The following EMB variants were observed in gnomAD, a reference collection of about 807,000 sequenced individuals.
EMB encodes the protein embigin.
In EMB, 31 loss-of-function variants were observed where a neutral mutation model predicts 41.4. That is an observed-to-expected ratio of 0.75 (90% CI 0.56 to 1.01). The LOEUF (loss-of-function observed/expected upper bound fraction) is 1.01, where lower values mean the gene tolerates loss of function less well. Ranked by LOEUF, EMB falls within the 50% of genes least tolerant of loss-of-function variation. The pLI, the probability that EMB is intolerant of heterozygous loss-of-function variation, is 0.00. For missense variants in EMB, 379 were observed against 388.3 expected, an observed-to-expected ratio of 0.98 and a Z score of 0.20; for synonymous variants, 137 against 140.4, an observed-to-expected ratio of 0.98 and a Z score of 0.17.
Position 50,403,572 on chromosome 5 carries a change from T to C in EMB, c.601-118A>G, listed in dbSNP as rs1401504103. ...CAATATTGCTTACTAGAGAAAGGCA[T>C]ATTAAAGTTTGTGAGAGGTTATCTA... On this transcript the variant is annotated intron_variant, in intron 5 of 8. Transcript: ENST00000303221. 1.2e-5 allele frequency: 14 copies of C among 1,153,944 alleles called. No homozygotes were observed. The East Asian group carries it at 1.7e-4, about 14-fold the overall frequency. The allele number at this position is 1,153,944 out of a possible 1,614,324, so 71.5% of individuals were successfully genotyped here.
At chr5:50,412,240 CCACA>C (rs373420424) in intron 2 of EMB, among the ~76,000 whole-genome samples, 1 of 134,950 alleles carries the variant, frequency 7.4e-6, no homozygotes, top group Non-Finnish European at 1.6e-5. Flanking sequence ...CACACACACA[CCACA>C]CACACACACA....
rs1258935782 is a variant in EMB at position 50,408,452 on chromosome 5, G to C, written c.472+2425C>G. Among the ~76,000 whole-genome samples the C allele has an allele frequency of 2.0e-5, 3 of 151,854 alleles. No individual in the cohort carries two copies. In the East Asian group the frequency reaches 5.8e-4, roughly 29 times the overall value. Reference sequence around the variant, plus strand: ...AAGAGCGAAACACATAAAGTCAGCAGGTTTTTGTGCATTGAACTAATCAGT... The same window carrying C: ...AAGAGCGAAACACATAAAGTCAGCACGTTTTTGTGCATTGAACTAATCAGT... On this transcript the variant is annotated intron_variant, in intron 4 of 8. Coordinates refer to ENST00000303221, the MANE Select transcript of EMB (RefSeq NM_198449.3).
At chr5:50,420,767 A>T (rs1218504436) in intron 2 of EMB, among the ~76,000 whole-genome samples, 1 of 152,218 alleles carries the variant, frequency 6.6e-6, no homozygotes. Flanking sequence ...GGAATACAGT[A>T]CTTAAAACAT....
chr5:50,440,684 C>T (rs1745890437), intron 1 of EMB, among the ~76,000 whole-genome samples: 1 of 152,030 alleles, frequency 6.6e-6, no homozygotes, highest in South Asian at 2.1e-4. Flanking sequence ...GCCATATTTG[C>T]CCAAGCCAAG....
chr5:50,439,485 T>C (rs1198944986), intron 1 of EMB, among the ~76,000 whole-genome samples: 1 of 117,382 alleles, frequency 8.5e-6, no homozygotes, highest in Non-Finnish European at 1.7e-5. Context: ...ACCGCACTTT[T>C]AATTTTTTTT....
rs1579747847 is a variant in EMB at position 50,438,891 on chromosome 5, T to C, written c.112+2149A>G. Among the ~76,000 whole-genome samples the C allele has an allele frequency of 3.3e-5, 5 of 151,886 alleles. 1 individual carries two copies. In the South Asian group the frequency reaches 1.0e-3, roughly 31 times the overall value. On this transcript the variant is annotated intron_variant, in intron 1 of 8. Transcript: ENST00000303221. ...TACACCTTCATTTATTCCACTTTCATTTGTTTCCTACCTTTTTTTTTTTTT... is the reference window on the plus strand; with the variant it reads ...TACACCTTCATTTATTCCACTTTCACTTGTTTCCTACCTTTTTTTTTTTTT...
chr5:50,422,900 T>A (rs1409638900), intron 2 of EMB, among the ~76,000 whole-genome samples: 1 of 152,148 alleles, frequency 6.6e-6, no homozygotes, highest in Non-Finnish European at 1.5e-5. Context: ...TATGTTAAAA[T>A]AAAGATGTGC....
intron 6 of EMB, among the ~76,000 whole-genome samples, chr5:50,402,918 A>C (rs987980565): frequency 7.4e-5 from 11 of 148,956 alleles, no homozygotes; most frequent in Non-Finnish European, 1.6e-4. Flanking sequence ...TGGTGGGGGA[A>C]GAGAAAGAAA....
rs1046052534 is a variant in EMB at position 50,405,642 on chromosome 5, G to T, written c.600+83C>A. The T allele has an allele frequency of 1.1e-5, 17 of 1,478,742 alleles. No homozygotes were observed. In the Admixed American group the frequency reaches 3.7e-4, roughly 32 times the overall value. The allele number at this position is 1,478,742 out of a possible 1,614,324, so 91.6% of individuals were successfully genotyped here. A position where few individuals can be genotyped will look rare whatever the true frequency, so the allele number is the denominator to read the frequency against. The stretch of plus-strand genomic sequence containing the variant: ...CAAAAGTATAAATCATCTTAGGAAT[G>T]CTGAGTCTGTTACAATCTTGTTATT... On this transcript the variant is annotated intron_variant, in intron 5 of 8. Coordinates refer to ENST00000303221, the MANE Select transcript of EMB (RefSeq NM_198449.3).
chr5:50,407,193 T>A (rs954925897), intron 4 of EMB, among the ~76,000 whole-genome samples: 3 of 151,978 alleles, frequency 2.0e-5, no homozygotes, highest in African/African-American at 7.2e-5. Context: ...AGCATGAAAA[T>A]ATGTGTTGAA....
intron 1 of EMB, among the ~76,000 whole-genome samples, chr5:50,438,871 C>A (rs1745848988): frequency 6.6e-6 from 1 of 151,212 alleles, no homozygotes; most frequent in South Asian, 2.1e-4. Flanking sequence ...TGATTTACAC[C>A]TTCATTTATT....
intron 1 of EMB, among the ~76,000 whole-genome samples, chr5:50,437,979 A>G (rs1745833604): frequency 6.6e-6 from 1 of 152,202 alleles, no homozygotes; most frequent in Non-Finnish European, 1.5e-5. Context: ...AAAAACCTTA[A>G]AACAGTCCCT....
chr5:50,436,405 G>T (rs1464371732), intron 1 of EMB, among the ~76,000 whole-genome samples: 1 of 151,982 alleles, frequency 6.6e-6, no homozygotes, highest in Non-Finnish European at 1.5e-5. Flanking sequence ...ATCTTTCCTA[G>T]ATTTAATTAT....
In EMB at chr5:50,398,647, T is replaced by A. The variant is rs1466702072; in HGVS notation, c.*626A>T. 6.6e-6 allele frequency: 1 copy of A among 152,088 alleles called. No homozygotes were observed. The highest frequency in any genetic ancestry group is 1.5e-5 in the Non-Finnish European group (1 of 67,978). The allele number at this position is 152,088 out of a possible 1,614,324, so 9.4% of individuals were successfully genotyped here. On this transcript the variant is annotated 3_prime_UTR_variant, in exon 9 of 9. Coordinates refer to ENST00000303221, the MANE Select transcript of EMB (RefSeq NM_198449.3). ...AAGACTGGAAAATTTGCTTTTGTAG[T>A]GCAGAGCTTTAGAGCAAGCACAGTT...
intron 2 of EMB, among the ~76,000 whole-genome samples, chr5:50,425,887 T>C (rs545410601): frequency 6.6e-6 from 1 of 152,240 alleles, no homozygotes; most frequent in Admixed American, 6.5e-5. Flanking sequence ...TTTTGCTATG[T>C]TGGCCAGGCT....
At position 50,407,081 on chromosome 5, in the gene EMB, A is replaced by T. The variant is rs141396224; in HGVS notation, c.473-1229T>A. On this transcript the variant is annotated intron_variant, in intron 4 of 8. Transcript: ENST00000303221. Reference sequence around the variant, plus strand: ...AGTGCAGGCTTTGCATTAGACACTCAGTAATTAAGGACACAGTTTCCGCTT... The same window carrying T: ...AGTGCAGGCTTTGCATTAGACACTCTGTAATTAAGGACACAGTTTCCGCTT... 2.1e-3 allele frequency among the ~76,000 whole-genome samples: 327 copies of T among 152,114 alleles called. 1 individual carries two copies. The highest frequency in any genetic ancestry group is 1.6e-3 in the Non-Finnish European group (112 of 67,940).
chr5:50,418,264 T>C (rs1745461452), intron 2 of EMB, among the ~76,000 whole-genome samples: 1 of 152,260 alleles, frequency 6.6e-6, no homozygotes, highest in African/African-American at 2.4e-5. Context: ...TGTTTCCAAA[T>C]AATTAACATG....
At chr5:50,428,998 C>A (rs1745669166) in intron 1 of EMB, among the ~76,000 whole-genome samples, 1 of 152,140 alleles carries the variant, frequency 6.6e-6, no homozygotes, top group African/African-American at 2.4e-5. Context: ...CCGGTTCAAG[C>A]AATTCTCCTG....
chr5:50,419,548 T>TACACACACACACACAC (rs58712109), intron 2 of EMB, among the ~76,000 whole-genome samples: 23 of 147,218 alleles, frequency 1.6e-4, no homozygotes, highest in South Asian at 6.6e-4. Flanking sequence ...CACACACACA[T>TACACACACACACACAC]ACACACACAC....
Sources: allele counts gnomAD v4.1 joint callset (sites outside exome capture counted in the v4.1 genomes callset), GRCh38; gene constraint gnomAD v4.1.1; transcripts MANE v1.5; gene names NCBI Gene and HGNC (gene_info 2026-07-23, HGNC 2026-07-21).